The following SPATA6 variants were observed in gnomAD, a reference collection of about 807,000 sequenced individuals.
SPATA6 encodes the protein spermatogenesis-associated protein 6.
SPATA6 carries 56 observed loss-of-function variants against 65.3 expected under a neutral mutation model. The ratio of observed to expected loss-of-function variants is 0.86; its 90% confidence interval spans 0.69 to 1.07. The LOEUF (loss-of-function observed/expected upper bound fraction) is 1.07. SPATA6 is among the 50% of genes least tolerant of loss of function. SPATA6 has a pLI of 0.00. For missense variants in SPATA6, 590 were observed against 594.8 expected, an observed-to-expected ratio of 0.99 and a Z score of 0.08; for synonymous variants, 199 against 213.2, an observed-to-expected ratio of 0.93 and a Z score of 0.58.
At chr1:48,435,739 G>T (rs778370304) in intron 3 of SPATA6, among the ~76,000 whole-genome samples, 3 of 151,712 alleles carry the variant, frequency 2.0e-5, no homozygotes, top group Non-Finnish European at 2.9e-5. Context: ...CGGCCTCGCC[G>T]CCCTCCCGCG....
Position 48,298,554 on chromosome 1 carries a change from G to A in SPATA6, c.*159C>T. 1 of 647,880 alleles carries A rather than the reference G, an allele frequency of 1.5e-6. No homozygotes were observed. The allele number at this position is 647,880 out of a possible 1,614,324, so 40.1% of individuals were successfully genotyped here. A position where few individuals can be genotyped will look rare whatever the true frequency, so the allele number is the denominator to read the frequency against. ...TAATTATTTTAAAAGGCTTGCCTAT[G>A]ATAATTTACCATTTGAAGTAATGAA... On this transcript the variant is annotated 3_prime_UTR_variant, in exon 13 of 13. Transcript: ENST00000371847.
chr1:48,403,156 T>C (rs907790814), intron 6 of SPATA6, among the ~76,000 whole-genome samples: 10 of 152,062 alleles, frequency 6.6e-5, no homozygotes, highest in Admixed American at 3.9e-4. Context: ...AGTGAGGCCC[T>C]GTCTCAAAAA....
downstream of SPATA6, among the ~76,000 whole-genome samples, chr1:48,295,123 AAAGATCAACACAGT>A (rs1278136755): frequency 6.6e-6 from 1 of 152,224 alleles, no homozygotes; most frequent in Non-Finnish European, 1.5e-5. Flanking sequence ...ATCCTAAGAT[AAAGATCAACACAGT>A]TGATCTTTGT....
Position 48,326,532 on chromosome 1 carries a change from A to G in SPATA6, c.1195-20654T>C, listed in dbSNP as rs558642398. On this transcript the variant is annotated intron_variant, in intron 11 of 12. Coordinates refer to ENST00000371847, the MANE Select transcript of SPATA6 (RefSeq NM_019073.4). ...AAGTTCATATGAAACAAAAAAAAAA[A>G]AAAAGAAAAAGCCTGAATAGCTAAA... Among the ~76,000 whole-genome samples the G allele has an allele frequency of 2.6e-5, 4 of 151,930 alleles. No homozygotes were observed. In the South Asian group the frequency reaches 8.3e-4, roughly 31 times the overall value.
At chr1:48,331,031 C>A (rs1164434418) in intron 11 of SPATA6, among the ~76,000 whole-genome samples, 4 of 152,098 alleles carry the variant, frequency 2.6e-5, no homozygotes, top group Non-Finnish European at 4.4e-5. Flanking sequence ...CACCTTATAC[C>A]ATAATCAAAC....
chr1:48,313,649 T>A (rs932008965), intron 11 of SPATA6, among the ~76,000 whole-genome samples: 2 of 151,924 alleles, frequency 1.3e-5, no homozygotes, highest in Non-Finnish European at 2.9e-5. Flanking sequence ...ATGAGCAAAA[T>A]AACCAGATAA....
At chr1:48,281,683 G>A in the SPATA6 span, among the ~76,000 whole-genome samples, 1 of 151,786 alleles carries the variant, frequency 6.6e-6, no homozygotes, top group Non-Finnish European at 1.5e-5. Context: ...TGAAATAAAA[G>A]AGGATACAAA....
chr1:48,312,225 C>A (rs1286123952), intron 11 of SPATA6, among the ~76,000 whole-genome samples: 2 of 152,200 alleles, frequency 1.3e-5, no homozygotes, highest in African/African-American at 2.4e-5. Flanking sequence ...TAGTGGTTCT[C>A]CCAGCATGCA....
the SPATA6 span, among the ~76,000 whole-genome samples, chr1:48,286,635 CT>C: frequency 6.6e-6 from 1 of 151,954 alleles, no homozygotes; most frequent in African/African-American, 2.4e-5. Flanking sequence ...ATTTAGATGC[CT>C]TTTTAAAATT....
chr1:48,425,195 ACT>A (rs1366006077), intron 3 of SPATA6, among the ~76,000 whole-genome samples: 1 of 151,970 alleles, frequency 6.6e-6, no homozygotes, highest in Non-Finnish European at 1.5e-5. Context: ...AACTAGTTTC[ACT>A]CTTTTGCATA....
intron 11 of SPATA6, among the ~76,000 whole-genome samples, chr1:48,309,520 A>G (rs1267773816): frequency 6.6e-6 from 1 of 152,168 alleles, no homozygotes; most frequent in Admixed American, 6.5e-5. Flanking sequence ...GAAATTTTAT[A>G]TTTTATGAGA....
At chr1:48,447,533 T>C (rs1171131171) in intron 3 of SPATA6, among the ~76,000 whole-genome samples, 7 of 151,878 alleles carry the variant, frequency 4.6e-5, no homozygotes, top group Non-Finnish European at 1.0e-4. Context: ...CAAAAAAACA[T>C]TATACATGAA....
intron 3 of SPATA6, among the ~76,000 whole-genome samples, chr1:48,414,364 C>A (rs1652561778): frequency 6.6e-6 from 1 of 152,138 alleles, no homozygotes; most frequent in Admixed American, 6.6e-5. Context: ...AGGAGAAATT[C>A]TTTTTTCTAC....
chr1:48,444,887 G>T (rs1283855880), intron 3 of SPATA6, among the ~76,000 whole-genome samples: 1 of 152,150 alleles, frequency 6.6e-6, no homozygotes, highest in African/African-American at 2.4e-5. Context: ...TTGATCTGGG[G>T]TTACTCAAGG....
At chr1:48,399,108 C>G (rs890938756) in intron 7 of SPATA6, 1 of 432,682 alleles carries the variant, frequency 2.3e-6, no homozygotes, top group Admixed American at 3.9e-5. Flanking sequence ...AGAAAGGAAA[C>G]CGGTACTGAG....
chr1:48,381,717 T>A (rs1204017605), intron 9 of SPATA6, among the ~76,000 whole-genome samples: 1 of 149,282 alleles, frequency 6.7e-6, no homozygotes, highest in Non-Finnish European at 1.5e-5. Flanking sequence ...TATTTATTTT[T>A]TATTGATCAT....
the SPATA6 span, chr1:48,263,150 T>A: frequency 5.9e-5 from 9 of 152,142 alleles, no homozygotes; most frequent in African/African-American, 2.2e-4. Context: ...ATTTTTTCCT[T>A]GAAAAAAAGT....
At chr1:48,361,612 C>T (rs1322075982) in intron 9 of SPATA6, among the ~76,000 whole-genome samples, 1 of 152,082 alleles carries the variant, frequency 6.6e-6, no homozygotes, top group Non-Finnish European at 1.5e-5. Flanking sequence ...TATAGTAGCG[C>T]TATTTGTTAA....
At chr1:48,286,811 C>A in the SPATA6 span, among the ~76,000 whole-genome samples, 3,599 of 152,042 alleles carry the variant, frequency 0.024, 40 homozygotes, top group South Asian at 0.06. Context: ...TCAAGGCAGG[C>A]AGATCACTTG....
Sources: allele counts gnomAD v4.1 joint callset (sites outside exome capture counted in the v4.1 genomes callset), GRCh38; gene constraint gnomAD v4.1.1; transcripts MANE v1.5; gene names NCBI Gene and HGNC (gene_info 2026-07-23, HGNC 2026-07-21).